The following BIRC6 variants were observed in gnomAD, a reference collection of about 807,000 sequenced individuals.
The protein encoded by BIRC6 is baculoviral IAP repeat containing 6, also known as dual E2 ubiquitin-conjugating enzyme/E3 ubiquitin-protein ligase BIRC6.
A neutral mutation model predicts 503.3 loss-of-function variants in BIRC6; 98 were observed. The observed-to-expected ratio is 0.19, with a 90% CI of 0.17 to 0.23. BIRC6 has a LOEUF of 0.23. BIRC6 is among the 10% of genes least tolerant of loss of function. The probability of loss-of-function intolerance (pLI) is 1.00; values close to 1 mark genes in which losing one functional copy is unlikely to be tolerated. For missense variants in BIRC6, 5,360 were observed against 5,806.0 expected, an observed-to-expected ratio of 0.92 and a Z score of 2.50; for synonymous variants, 2,240 against 2,078.7, an observed-to-expected ratio of 1.08 and a Z score of -2.11.
intron 57 of BIRC6, chr2:32,524,651 C>T (rs1009650316): frequency 5.2e-6 from 1 of 191,632 alleles, no homozygotes; most frequent in African/African-American, 2.3e-5. Flanking sequence ...GTATATAATA[C>T]TTTACAGAGA....
At chr2:32,595,332 G>A (rs937740682) in intron 68 of BIRC6, among the ~76,000 whole-genome samples, 188 bp downstream of exon 68, 1 of 152,136 alleles carries the variant, frequency 6.6e-6, no homozygotes, top group African/African-American at 2.4e-5. Context: ...GTTATAAACT[G>A]TGACTTCAAT....
At chr2:32,539,194 C>G (rs75047133) in intron 61 of BIRC6, among the ~76,000 whole-genome samples, 2,535 of 152,196 alleles carry the variant, frequency 0.017, 51 homozygotes, top group African/African-American at 0.058. Context: ...TATTTAATAG[C>G]TTCAAAGTAC....
chr2:32,564,135 A>T (rs529830296), intron 65 of BIRC6: 1 of 152,296 alleles, frequency 6.6e-6, no homozygotes, highest in East Asian at 1.9e-4. Context: ...CCATCCCCTC[A>T]TCTTCTCTAG....
At position 32,357,134 on chromosome 2, in the gene BIRC6, A is replaced by C; in HGVS notation, c.-28A>C. The C allele has an allele frequency of 6.8e-7, 1 of 1,461,706 alleles. No individual in the cohort carries two copies. Among genetic ancestry groups the C allele is most frequent in the Non-Finnish European group, 8.9e-7 (1 of 1,121,148 alleles). 90.5% of individuals were successfully genotyped at this position (1,461,706 alleles called of 1,614,324 possible). On this transcript the variant is annotated 5_prime_UTR_variant, in exon 1 of 74. Transcript: ENST00000421745. This position sits in a 1 kb window ranked among gnomAD's most constrained non-coding sequence, Gnocchi z 4.9. ...GGGCGCCTGACTTCACTTCCGGCTA[A>C]CGCGCTCGGCTTGCCCCCTGGCCCC...
At position 32,498,027 on chromosome 2, in the gene BIRC6, A is replaced by G. The variant is rs887168231; in HGVS notation, c.8469-1520A>G. Among the ~76,000 whole-genome samples the G allele has an allele frequency of 5.3e-5, 8 of 152,246 alleles. 1 individual carries two copies. In the South Asian group the frequency reaches 1.2e-3, roughly 24 times the overall value. On this transcript the variant is annotated intron_variant, in intron 45 of 73. Transcript: ENST00000421745. ...GACTTTTGAATTAAGCAACTTTTAAAATAATTTCATTTCCATCCTTATTTA... is the reference window on the plus strand; with the variant it reads ...GACTTTTGAATTAAGCAACTTTTAAGATAATTTCATTTCCATCCTTATTTA...
chr2:32,529,863 A>G, intron 60 of BIRC6, 39 bp downstream of exon 60: 1 of 1,339,614 alleles, frequency 7.5e-7, no homozygotes, highest in South Asian at 1.8e-5. Context: ...ACAGACTGTC[A>G]TACAAAGAGG....
chr2:32,449,210 CTATT>C, intron 22 of BIRC6: 1 of 246,014 alleles, frequency 4.1e-6, no homozygotes, highest in Non-Finnish European at 7.7e-6. Flanking sequence ...GCTTATGAGA[CTATT>C]TAAAATGTAT....
chr2:32,451,022 C>T (rs1381650395), intron 22 of BIRC6, among the ~76,000 whole-genome samples: 1 of 152,176 alleles, frequency 6.6e-6, no homozygotes, highest in African/African-American at 2.4e-5. Context: ...GTCAAGTTTG[C>T]TCACTCTGTT....
intron 66 of BIRC6, among the ~76,000 whole-genome samples, chr2:32,584,767 C>T (rs1164070824): frequency 6.6e-6 from 1 of 152,108 alleles, no homozygotes; most frequent in Non-Finnish European, 1.5e-5. Flanking sequence ...CTTATTTCCT[C>T]TACTTGCCTA....
chr2:32,451,541 T>G (rs1052892990), intron 22 of BIRC6, among the ~76,000 whole-genome samples: 1 of 152,316 alleles, frequency 6.6e-6, no homozygotes, highest in African/African-American at 2.4e-5. Flanking sequence ...CAGTAAAAAT[T>G]ATTAATTTTA....
At chr2:32,594,828 CTTTA>C (rs1255482328) in intron 67 of BIRC6, among the ~76,000 whole-genome samples, 1 of 151,912 alleles carries the variant, frequency 6.6e-6, no homozygotes, top group Non-Finnish European at 1.5e-5. Flanking sequence ...TATGTTTTTG[CTTTA>C]TTGTTATGTT....
chr2:32,410,124 T>C (rs1269160721), intron 9 of BIRC6, among the ~76,000 whole-genome samples: 1 of 152,242 alleles, frequency 6.6e-6, no homozygotes, highest in African/African-American at 2.4e-5. Flanking sequence ...TAGACCAAAA[T>C]TGTTTTTTCT....
intron 33 of BIRC6, among the ~76,000 whole-genome samples, chr2:32,474,754 C>T (rs1224093522): frequency 2.0e-5 from 3 of 151,998 alleles, no homozygotes; most frequent in African/African-American, 4.8e-5. Flanking sequence ...TTCTTGCATA[C>T]GTTAATGGTA....
chr2:32,538,108 G>T (rs945829776), intron 61 of BIRC6, among the ~76,000 whole-genome samples: 4 of 152,030 alleles, frequency 2.6e-5, no homozygotes, highest in African/African-American at 9.7e-5. Context: ...TTTTCTGGGG[G>T]TATTCCTCAG....
Position 32,464,775 on chromosome 2 carries a change from A to G in BIRC6, c.5208A>G (p.Pro1736=), listed in dbSNP as rs780703846. The G allele has an allele frequency of 2.5e-6, 4 of 1,613,820 alleles. No individual in the cohort carries two copies. The African/African-American group carries it at 5.3e-5, about 22-fold the overall frequency. Residue 1736 remains proline, a synonymous_variant, in exon 25 of 74, where the codon CCA becomes CCG. Transcript: ENST00000421745. ...TCCCAGGCTCAGTCATTGATCCCCC[A>G]GCAGTCAATCTTGCTGCACATAACA... The part of the protein sequence containing the change: ...QLFPGSVIDP[P]AVNLAAHNKN...
chr2:32,375,720 G>A (rs1325764775), intron 1 of BIRC6, among the ~76,000 whole-genome samples: 1 of 149,420 alleles, frequency 6.7e-6, no homozygotes, highest in Middle Eastern at 3.5e-3. Flanking sequence ...ATATAGTGCC[G>A]TAAATGTATT....
chr2:32,529,718 T>C lies in BIRC6; in HGVS notation c.11988T>C (p.Pro3996=). 1 of 1,613,678 alleles carries C rather than the reference T, an allele frequency of 6.2e-7. No individual in the cohort carries two copies. The highest frequency in any genetic ancestry group is 8.5e-7 in the Non-Finnish European group (1 of 1,179,738). The change falls in exon 60 of 74, where the codon CCT becomes CCC. Residue 3996 remains proline (P), a synonymous_variant. Coordinates refer to ENST00000421745, the MANE Select transcript of BIRC6 (RefSeq NM_016252.4). ...CTCTCCTATATGACCGAAAACTTCC[T>C]CAGGGTTACCGCTCAATAGATCTGA... ...LLTLLYDRKL[P]QGYRSIDLTV... is the part of the protein sequence containing the mutation.
intron 21 of BIRC6, among the ~76,000 whole-genome samples, chr2:32,448,524 G>T (rs886845287): frequency 7.2e-5 from 11 of 152,150 alleles, no homozygotes; most frequent in Admixed American, 1.3e-4. Flanking sequence ...GGCGACGCGC[G>T]CCTGCAATGG....
At chr2:32,606,742 A>C (rs535962549) in intron 71 of BIRC6, among the ~76,000 whole-genome samples, 30 of 152,158 alleles carry the variant, frequency 2.0e-4, no homozygotes, top group African/African-American at 5.3e-4. Flanking sequence ...ACAGTGGCTG[A>C]CGCCTGTAAT....
Sources: gnomAD v4.1 joint callset for allele counts (sites outside exome capture counted in the v4.1 genomes callset) on GRCh38, gnomAD v4.1.1 for gene constraint, Gnocchi (gnomAD v3.1) non-coding constraint, MANE v1.5 for transcripts, NCBI Gene and HGNC (gene_info 2026-07-23, HGNC 2026-07-21) for gene names.